MRTFA: variants seen among roughly 807,000 people sequenced by gnomAD.
MRTFA encodes myocardin-related transcription factor A.
Under a neutral mutation model 83.5 loss-of-function variants are expected in MRTFA, and 20 were observed. That is an observed-to-expected ratio of 0.24 (90% CI 0.17 to 0.35). MRTFA has a LOEUF of 0.35. MRTFA is among the 10% of genes least tolerant of loss of function. The pLI is 1.00. For synonymous variants in MRTFA, 659 were observed against 541.2 expected, an observed-to-expected ratio of 1.22 and a Z score of -3.02; for missense variants, 1,200 against 1,224.7, an observed-to-expected ratio of 0.98 and a Z score of 0.30.
At chr22:40,612,655 AC>A (rs2056400171) in intron 1 of MRTFA, among the ~76,000 whole-genome samples, 1 of 152,226 alleles carries the variant, frequency 6.6e-6, no homozygotes, top group African/African-American at 2.4e-5. Context: ...AGAAAAAAAA[AC>A]ATTTCCATAA....
intron 3 of MRTFA, among the ~76,000 whole-genome samples, chr22:40,470,994 T>C (rs771707161): frequency 8.6e-5 from 13 of 151,558 alleles, no homozygotes; most frequent in African/African-American, 1.5e-4. Flanking sequence ...AGAAAATCAA[T>C]AGTCATAAAA....
At chr22:40,575,175 A>G (rs1222558675) in intron 2 of MRTFA, among the ~76,000 whole-genome samples, 1 of 152,232 alleles carries the variant, frequency 6.6e-6, no homozygotes, top group Non-Finnish European at 1.5e-5. Flanking sequence ...TTTACTATAC[A>G]GATTAAATGA....
In MRTFA at chr22:40,418,743, G is replaced by A. The variant is rs759747406; in HGVS notation, c.1995C>T (p.Ala665=). 15 of 873,608 alleles carry A rather than the reference G, an allele frequency of 1.7e-5. No homozygotes were observed. In the South Asian group the frequency reaches 2.3e-4, roughly 13 times the overall value. The allele number at this position is 873,608 out of a possible 1,614,324, so 54.1% of individuals were successfully genotyped here. The change falls in exon 12 of 15, where the codon GCC becomes GCT. Residue 665 remains alanine (A), a synonymous_variant. Coordinates refer to ENST00000355630, the MANE Select transcript of MRTFA (RefSeq NM_020831.6). ...GGGTGCCGAGGGGGGCGGGGGCGGG[G>A]GCGGGCTGCTGGGCTCGCTTCTCCT...
intron 1 of MRTFA, among the ~76,000 whole-genome samples, chr22:40,631,286 C>T (rs566788022): frequency 5.9e-5 from 9 of 152,234 alleles, no homozygotes; most frequent in Non-Finnish European, 1.3e-4. Context: ...CTAATTCACC[C>T]AGTCAGTTCT....
chr22:40,548,507 GT>G (rs1284420989), intron 3 of MRTFA, among the ~76,000 whole-genome samples: 3 of 151,832 alleles, frequency 2.0e-5, no homozygotes, highest in African/African-American at 7.3e-5. Flanking sequence ...AGAAATAGGG[GT>G]TTTGAAAAGC....
At chr22:40,602,551 T>C (rs903387011) in intron 1 of MRTFA, among the ~76,000 whole-genome samples, 24 of 151,780 alleles carry the variant, frequency 1.6e-4, no homozygotes, top group Non-Finnish European at 3.4e-4. Flanking sequence ...TCCTATGTGG[T>C]TGGTTTAAAA....
intron 7 of MRTFA, among the ~76,000 whole-genome samples, chr22:40,426,600 GC>G (rs1375348480): frequency 2.0e-5 from 3 of 152,052 alleles, no homozygotes; most frequent in Admixed American, 2.0e-4. Context: ...AGGCCTCCAA[GC>G]CACTGCCCAT....
At chr22:40,537,766 G>A (rs2055209038) in intron 3 of MRTFA, among the ~76,000 whole-genome samples, 1 of 30,960 alleles carries the variant, frequency 3.2e-5, no homozygotes, top group Non-Finnish European at 6.0e-5. Flanking sequence ...CGGGAGGGAG[G>A]TGGGGGGGTC....
intron 3 of MRTFA, among the ~76,000 whole-genome samples, chr22:40,549,517 T>G (rs976543333): frequency 4.6e-5 from 7 of 152,064 alleles, no homozygotes; most frequent in African/African-American, 1.7e-4. Flanking sequence ...CTAACCACAG[T>G]GTTGAAAATC....
intron 5 of MRTFA, among the ~76,000 whole-genome samples, chr22:40,432,449 C>T (rs576605614): frequency 6.6e-6 from 1 of 152,136 alleles, no homozygotes; most frequent in South Asian, 2.1e-4. Context: ...CTAAACCAGT[C>T]CCTCAACAGT....
intron 1 of MRTFA, among the ~76,000 whole-genome samples, chr22:40,596,685 T>TA (rs1347566272): frequency 6.6e-6 from 1 of 152,138 alleles, no homozygotes; most frequent in East Asian, 1.9e-4. Context: ...CACGTACCTG[T>TA]AGTCCCAGGT....
At chr22:40,589,961 G>A (rs2056094923) in intron 2 of MRTFA, among the ~76,000 whole-genome samples, 1 of 151,226 alleles carries the variant, frequency 6.6e-6, no homozygotes, top group Non-Finnish European at 1.5e-5. Context: ...GGCGGAGGTT[G>A]CAGTGAGCTG....
At chr22:40,604,376 C>T (rs1453584690) in intron 1 of MRTFA, among the ~76,000 whole-genome samples, 2 of 151,858 alleles carry the variant, frequency 1.3e-5, no homozygotes, top group East Asian at 2.0e-4. Flanking sequence ...GTAACCCGCC[C>T]GCCTCGGCCT....
At chr22:40,574,145 G>A (rs1341555863) in intron 2 of MRTFA, among the ~76,000 whole-genome samples, 1 of 152,134 alleles carries the variant, frequency 6.6e-6, no homozygotes, top group East Asian at 1.9e-4. Flanking sequence ...ACAGTCTGGT[G>A]CCACTCTCTC....
At chr22:40,607,646 A>G (rs2056334057) in intron 1 of MRTFA, among the ~76,000 whole-genome samples, 1 of 152,224 alleles carries the variant, frequency 6.6e-6, no homozygotes, top group Non-Finnish European at 1.5e-5. Flanking sequence ...AGCCTTCCCA[A>G]CAGCTGAGCA....
At chr22:40,443,744 G>C (rs2053324690) in intron 4 of MRTFA, among the ~76,000 whole-genome samples, 1 of 152,148 alleles carries the variant, frequency 6.6e-6, no homozygotes, top group Admixed American at 6.5e-5. Flanking sequence ...GGTGTAATGA[G>C]ATGCCCCAAT....
intron 3 of MRTFA, among the ~76,000 whole-genome samples, chr22:40,495,044 T>TA (rs372774554): frequency 3.7e-4 from 56 of 151,032 alleles, no homozygotes; most frequent in African/African-American, 1.1e-3. Flanking sequence ...TTTTTTTTTT[T>TA]AAAAAAGCAG....
At chr22:40,607,854 A>C (rs1281163648) in intron 1 of MRTFA, among the ~76,000 whole-genome samples, 1 of 152,220 alleles carries the variant, frequency 6.6e-6, no homozygotes, top group Non-Finnish European at 1.5e-5. Context: ...TGCTTCAGAA[A>C]AATTCTTTAA....
At chr22:40,514,857 G>A (rs2054730483) in intron 3 of MRTFA, among the ~76,000 whole-genome samples, 1 of 151,590 alleles carries the variant, frequency 6.6e-6, no homozygotes, top group Admixed American at 6.6e-5. Flanking sequence ...TTGGGTTGAA[G>A]GACCTGGACA....
Sources: allele counts gnomAD v4.1 joint callset (sites outside exome capture counted in the v4.1 genomes callset), GRCh38; gene constraint gnomAD v4.1.1; transcripts MANE v1.5; gene names NCBI Gene and HGNC (gene_info 2026-07-23, HGNC 2026-07-21).